Variants in SORBS2 observed in about 807,000 individuals in gnomAD.
SORBS2 encodes the protein sorbin and SH3 domain containing 2.
SORBS2 carries 46 observed loss-of-function variants against 97.7 expected under a neutral mutation model. The observed-to-expected ratio is 0.47, with a 90% confidence interval of 0.37 to 0.60. The LOEUF (loss-of-function observed/expected upper bound fraction) is 0.60. Among genes scored for constraint, SORBS2 ranks in the 20% least tolerant of loss-of-function variants. The pLI is 0.00. For synonymous variants in SORBS2, 476 were observed against 473.4 expected (o/e 1.01, Z -0.07); for missense variants, 1,316 against 1,282.3 (o/e 1.03, Z -0.40).
At chr4:185,711,750 T>C (rs72702055) in intron 2 of SORBS2, among the ~76,000 whole-genome samples, 6,147 of 152,260 alleles carry the variant, frequency 0.04, 141 homozygotes, top group Middle Eastern at 0.078. Flanking sequence ...TTTAACCTCA[T>C]GTAGAGCTAT....
At chr4:185,943,254 C>T (rs1247738950) in intron 1 of SORBS2, among the ~76,000 whole-genome samples, 1 of 152,148 alleles carries the variant, frequency 6.6e-6, no homozygotes, top group Non-Finnish European at 1.5e-5. Context: ...ATAGGATATT[C>T]CACATAGTAA....
chr4:185,875,954 CT>C (rs2099233371), intron 1 of SORBS2, among the ~76,000 whole-genome samples: 1 of 152,106 alleles, frequency 6.6e-6, no homozygotes, highest in South Asian at 2.1e-4. Context: ...AATTAATCAC[CT>C]TCCCCCTGAC....
rs8180358 is a variant in SORBS2 at position 185,618,099 on chromosome 4, A to C, written c.2351+486T>G. ...GCGATCCTTTTGCCTCAGCCTCCTG[A>C]GTAGCTGGGACTATACAGGTGTATG... On this transcript the variant is annotated intron_variant, in intron 9 of 14. Transcript: ENST00000418609. Among the ~76,000 whole-genome samples the C allele has an allele frequency of 3.2e-4, 48 of 152,200 alleles. 1 individual carries two copies. In the East Asian group the frequency reaches 8.5e-3, roughly 27 times the overall value.
chr4:185,872,976 A>G (rs905989573), intron 1 of SORBS2, among the ~76,000 whole-genome samples: 2 of 152,254 alleles, frequency 1.3e-5, no homozygotes, highest in African/African-American at 4.8e-5. Context: ...CAGGTACGTC[A>G]GCCACCTCTG....
chr4:185,612,215 G>A (rs932585460), intron 11 of SORBS2, among the ~76,000 whole-genome samples: 1 of 152,174 alleles, frequency 6.6e-6, no homozygotes, highest in African/African-American at 2.4e-5. Context: ...CCCTAAGGAT[G>A]CCTGATTAAT....
In SORBS2 at chr4:185,638,144, C is replaced by A. The variant is rs769549252; in HGVS notation, c.397-7546G>T. On this transcript the variant is annotated intron_variant, in intron 4 of 14. Transcript: ENST00000418609. ...GGCTCATTTTCTAAATCTATGTCAT[C>A]TGGATTTATGCGATCAGTCTAGAGC... 4 of 1,609,338 alleles carry A rather than the reference C, an allele frequency of 2.5e-6. No homozygotes were observed. In the African/African-American group the frequency reaches 5.3e-5, roughly 22 times the overall value.
chr4:185,902,788 C>T (rs1003588365), intron 1 of SORBS2, among the ~76,000 whole-genome samples: 1 of 152,062 alleles, frequency 6.6e-6, no homozygotes, highest in African/African-American at 2.4e-5. Flanking sequence ...CCTGTGTTAT[C>T]GATTTTGTAT....
At chr4:185,953,378 C>T (rs1286845871) in intron 1 of SORBS2, among the ~76,000 whole-genome samples, 2 of 152,200 alleles carry the variant, frequency 1.3e-5, no homozygotes, top group Non-Finnish European at 2.9e-5. Flanking sequence ...CCAGTCAGCC[C>T]TTCCTCTCTC....
At chr4:185,750,822 G>C (rs2098794198) in intron 2 of SORBS2, among the ~76,000 whole-genome samples, 1 of 152,020 alleles carries the variant, frequency 6.6e-6, no homozygotes, top group South Asian at 2.1e-4. Flanking sequence ...GGAAAGTTGG[G>C]GGTAAGGTAC....
chr4:185,721,365 A>G (rs772709552), intron 2 of SORBS2, among the ~76,000 whole-genome samples: 1 of 152,150 alleles, frequency 6.6e-6, no homozygotes, highest in Admixed American at 6.5e-5. Flanking sequence ...GTGAGCCAGC[A>G]TACCCGGTCC....
chr4:185,606,528 A>G lies in SORBS2; in HGVS notation c.2796+5252T>C. 1 of 984,772 alleles carries G rather than the reference A, an allele frequency of 1.0e-6. No individual in the cohort carries two copies. The highest frequency in any genetic ancestry group is 1.2e-6 in the Non-Finnish European group (1 of 829,308). The allele number at this position is 984,772 out of a possible 1,614,324, so 61.0% of individuals were successfully genotyped here. On this transcript the variant is annotated intron_variant, in intron 12 of 14. Coordinates refer to ENST00000418609, the Ensembl canonical transcript of SORBS2. The surrounding 1 kb of genome is among the most constrained non-coding windows in gnomAD (Gnocchi z 4.3). ...GTATTTATTAATATGATTAACTCTA[A>G]TAGCTAATCATGGTAAGGCCGGTTA...
At chr4:185,798,912 C>T (rs1409571380) in intron 1 of SORBS2, among the ~76,000 whole-genome samples, 1 of 152,060 alleles carries the variant, frequency 6.6e-6, no homozygotes, top group Non-Finnish European at 1.5e-5. Flanking sequence ...CACCATCTGC[C>T]CACTGGCCTG....
intron 1 of SORBS2, among the ~76,000 whole-genome samples, chr4:185,788,955 G>A (rs1161735145): frequency 6.6e-6 from 1 of 152,030 alleles, no homozygotes; most frequent in Admixed American, 6.6e-5. Context: ...TTCTATTTTC[G>A]GTAACCACAA....
upstream of SORBS2, among the ~76,000 whole-genome samples, chr4:185,661,639 T>C (rs1273763559): frequency 6.6e-5 from 10 of 152,198 alleles, no homozygotes; most frequent in Admixed American, 6.5e-4. Context: ...GTTTTCTCCT[T>C]GTGTGAGCCA....
chr4:185,802,153 A>G (rs2099134015), intron 1 of SORBS2, among the ~76,000 whole-genome samples: 1 of 152,224 alleles, frequency 6.6e-6, no homozygotes, highest in East Asian at 1.9e-4. Flanking sequence ...TAAGACGATC[A>G]AAGAGTTTCT....
chr4:185,726,384 G>A (rs2098554492), intron 2 of SORBS2, among the ~76,000 whole-genome samples: 1 of 151,928 alleles, frequency 6.6e-6, no homozygotes, highest in African/African-American at 2.4e-5. Flanking sequence ...GTCTTTCATC[G>A]TACCTTATGT....
At chr4:185,868,147 C>CTTTCTTTCTCTTT (rs1288748201) in intron 1 of SORBS2, among the ~76,000 whole-genome samples, 1 of 89,766 alleles carries the variant, frequency 1.1e-5, no homozygotes, top group African/African-American at 4.8e-5. Flanking sequence ...CTTTTCTTTT[C>CTTTCTTTCTCTTT]TTTTTTTCTT....
At chr4:185,736,759 G>T (rs989140023) in intron 2 of SORBS2, among the ~76,000 whole-genome samples, 3 of 152,116 alleles carry the variant, frequency 2.0e-5, no homozygotes, top group Non-Finnish European at 4.4e-5. Flanking sequence ...ACGTCTGTGT[G>T]TGCCACAACC....
intron 2 of SORBS2, among the ~76,000 whole-genome samples, chr4:185,758,270 C>T (rs1213959067): frequency 6.6e-6 from 1 of 152,186 alleles, no homozygotes; most frequent in African/African-American, 2.4e-5. Flanking sequence ...GCCAGGACCC[C>T]ATTGAGGTCC....
Sources: allele counts gnomAD v4.1 joint callset (sites outside exome capture counted in the v4.1 genomes callset), GRCh38; gene constraint gnomAD v4.1.1; non-coding constraint Gnocchi (gnomAD v3.1); transcripts MANE v1.5; gene names NCBI Gene and HGNC (gene_info 2026-07-23, HGNC 2026-07-21).